Variants in CCSER1 observed in about 807,000 individuals in gnomAD.
CCSER1 encodes serine-rich coiled-coil domain-containing protein 1.
Under a neutral mutation model 82.0 loss-of-function variants are expected in CCSER1, and 41 were observed. That is an observed-to-expected ratio of 0.50 (90% CI 0.39 to 0.65). The LOEUF (loss-of-function observed/expected upper bound fraction) is 0.65. Among genes scored for constraint, CCSER1 ranks in the 30% least tolerant of loss-of-function variants. CCSER1 has a pLI of 0.00. For missense variants in CCSER1, 1,119 were observed against 1,064.2 expected, an observed-to-expected ratio of 1.05 and a Z score of -0.72; for synonymous variants, 414 against 383.9, an observed-to-expected ratio of 1.08 and a Z score of -0.92.
intron 5 of CCSER1, among the ~76,000 whole-genome samples, chr4:90,547,614 A>G (rs1160035789): frequency 1.3e-5 from 2 of 152,144 alleles, no homozygotes; most frequent in Non-Finnish European, 2.9e-5. Context: ...AAAAACTTTA[A>G]AAGTTGGAAT....
chr4:91,499,836 T>A (rs1166242243), intron 10 of CCSER1, among the ~76,000 whole-genome samples: 1 of 152,062 alleles, frequency 6.6e-6, no homozygotes, highest in African/African-American at 2.4e-5. Flanking sequence ...TGATGAATAA[T>A]GTTCCCTTTC....
At position 90,741,580 on chromosome 4, in the gene CCSER1, T is replaced by C. The variant is rs532149420; in HGVS notation, c.2010+17589T>C. Among the ~76,000 whole-genome samples, 21 of 152,378 alleles carry C rather than the reference T, an allele frequency of 1.4e-4. 1 individual carries two copies. The East Asian group carries it at 4.0e-3, about 29-fold the overall frequency. On this transcript the variant is annotated intron_variant, in intron 7 of 10. Coordinates refer to ENST00000509176, the MANE Select transcript of CCSER1 (RefSeq NM_001145065.2). ...TATAATATCATTATCAATGATAATT[T>C]AAGCAACTGATCTCATGTATAGCAC...
chr4:91,506,463 G>GT lies in CCSER1; in HGVS notation c.2218-92100dup, dbSNP rs761266193. On this transcript the variant is annotated intron_variant, in intron 10 of 10. Coordinates refer to ENST00000509176, the MANE Select transcript of CCSER1 (RefSeq NM_001145065.2). ...TTGGTTCCATATGAAATTTAAAGGA[G>GT]TTTTTTTTTCTAATTATGTGAAGAA... Among the ~76,000 whole-genome samples, 103 of 151,196 alleles carry GT rather than the reference G, an allele frequency of 6.8e-4. 1 individual carries two copies. Among genetic ancestry groups the GT allele is most frequent in the Admixed American group, 1.9e-3 (29 of 15,144 alleles).
intron 10 of CCSER1, among the ~76,000 whole-genome samples, chr4:91,358,240 C>T (rs1161440676): frequency 5.9e-5 from 9 of 151,646 alleles, no homozygotes; most frequent in Admixed American, 6.6e-5. Context: ...TGTCTGTGTA[C>T]GGAAACTGGT....
intron 9 of CCSER1, among the ~76,000 whole-genome samples, chr4:91,044,467 C>A (rs1397703281): frequency 6.6e-6 from 1 of 152,116 alleles, no homozygotes; most frequent in African/African-American, 2.4e-5. Context: ...TCAATAAAGA[C>A]TTAACTATGA....
chr4:91,334,456 C>T (rs762093018), intron 10 of CCSER1, among the ~76,000 whole-genome samples: 1 of 152,004 alleles, frequency 6.6e-6, no homozygotes, highest in Non-Finnish European at 1.5e-5. Flanking sequence ...CAATGTTTGA[C>T]ACAATTTGCA....
At chr4:90,461,912 C>G (rs1255664473) in intron 4 of CCSER1, among the ~76,000 whole-genome samples, 3 of 152,210 alleles carry the variant, frequency 2.0e-5, no homozygotes, top group African/African-American at 4.8e-5. Context: ...TTTATCTTCA[C>G]AAGTTCAGCA....
At chr4:91,248,637 T>C (rs1458743597) in intron 10 of CCSER1, among the ~76,000 whole-genome samples, 1 of 152,180 alleles carries the variant, frequency 6.6e-6, no homozygotes, top group Non-Finnish European at 1.5e-5. Flanking sequence ...TCTGAGAAAC[T>C]GTCACAGCTT....
At position 90,925,828 on chromosome 4, in the gene CCSER1, T is replaced by A. The variant is rs182140303; in HGVS notation, c.2172+2381T>A. Among the ~76,000 whole-genome samples the A allele has an allele frequency of 2.4e-3, 360 of 152,278 alleles. 3 individuals are homozygous for A. Among genetic ancestry groups the A allele is most frequent in the South Asian group, 0.019 (91 of 4,822 alleles). On this transcript the variant is annotated intron_variant, in intron 9 of 10. Coordinates refer to ENST00000509176, the MANE Select transcript of CCSER1 (RefSeq NM_001145065.2). ...AATTAAGGTTAAAGAATAATACTTTTTTTGACAATGAGTCCCTAAAGAATC... is the reference window on the plus strand; with the variant it reads ...AATTAAGGTTAAAGAATAATACTTTATTTGACAATGAGTCCCTAAAGAATC...
intron 8 of CCSER1, among the ~76,000 whole-genome samples, chr4:90,857,981 T>C (rs1036145487): frequency 6.6e-6 from 1 of 152,122 alleles, no homozygotes; most frequent in Non-Finnish European, 1.5e-5. Context: ...TACATATATG[T>C]ATCTTATAAC....
chr4:91,292,570 A>G (rs1743835278), intron 10 of CCSER1, among the ~76,000 whole-genome samples: 1 of 152,006 alleles, frequency 6.6e-6, no homozygotes, highest in African/African-American at 2.4e-5. Context: ...AAATAAATAT[A>G]GATAATTTTT....
intron 8 of CCSER1, among the ~76,000 whole-genome samples, chr4:90,855,666 T>C (rs926329124): frequency 6.6e-6 from 1 of 152,268 alleles, no homozygotes; most frequent in Admixed American, 6.5e-5. Flanking sequence ...CTTTTTTTCT[T>C]GGAGATAAGT....
At chr4:91,106,492 C>G (rs1725630161) in intron 10 of CCSER1, among the ~76,000 whole-genome samples, 1 of 152,084 alleles carries the variant, frequency 6.6e-6, no homozygotes, top group Non-Finnish European at 1.5e-5. Flanking sequence ...TAACTAAACA[C>G]TTCTATTCTC....
chr4:90,755,680 T>A (rs1749405546), intron 7 of CCSER1, among the ~76,000 whole-genome samples: 1 of 152,184 alleles, frequency 6.6e-6, no homozygotes, highest in African/African-American at 2.4e-5. Flanking sequence ...TCAGTGGATT[T>A]GAAAGAGAAG....
intron 10 of CCSER1, among the ~76,000 whole-genome samples, chr4:91,103,476 TATATAAACA>T (rs1725289536): frequency 6.6e-6 from 1 of 152,194 alleles, no homozygotes; most frequent in Admixed American, 6.5e-5. Context: ...GTCAAACTAT[TATATAAACA>T]ATTGTCTCAA....
intron 5 of CCSER1, among the ~76,000 whole-genome samples, chr4:90,616,720 C>A (rs866277950): frequency 7.5e-5 from 9 of 120,244 alleles, no homozygotes; most frequent in African/African-American, 3.5e-4. Context: ...CACACACACA[C>A]ACACACACAC....
chr4:90,600,124 TTTGGA>T (rs1296852256), intron 5 of CCSER1, among the ~76,000 whole-genome samples: 1 of 152,138 alleles, frequency 6.6e-6, no homozygotes, highest in Non-Finnish European at 1.5e-5. Context: ...CTAATGGATA[TTTGGA>T]TTGTTTACAG....
intron 8 of CCSER1, among the ~76,000 whole-genome samples, chr4:90,919,473 A>T (rs1303244097): frequency 6.6e-6 from 1 of 151,926 alleles, no homozygotes; most frequent in Non-Finnish European, 1.5e-5. Flanking sequence ...TCATATAGAT[A>T]TATATTACTT....
chr4:90,202,422 C>T (rs905284713), intron 1 of CCSER1, among the ~76,000 whole-genome samples: 11 of 152,006 alleles, frequency 7.2e-5, no homozygotes, highest in Non-Finnish European at 1.3e-4. Context: ...AGGCTAGTCT[C>T]GAACTCCTGA....
Sources: gnomAD v4.1 joint callset for allele counts (sites outside exome capture counted in the v4.1 genomes callset) on GRCh38, gnomAD v4.1.1 for gene constraint, MANE v1.5 for transcripts, NCBI Gene and HGNC (gene_info 2026-07-23, HGNC 2026-07-21) for gene names.